Variants in CSMD1 observed in about 807,000 individuals in gnomAD.
The protein encoded by CSMD1 is CUB and Sushi multiple domains 1.
In CSMD1, 213 loss-of-function variants were observed where a neutral mutation model predicts 417.5. That is an observed-to-expected ratio of 0.51 (90% CI 0.46 to 0.57). The LOEUF (loss-of-function observed/expected upper bound fraction) is 0.57, where lower values mean the gene tolerates loss of function less well. Among genes scored for constraint, CSMD1 ranks in the 20% least tolerant of loss-of-function variants. The probability of loss-of-function intolerance (pLI) is 0.00; values close to 1 mark genes in which losing one functional copy is unlikely to be tolerated. For synonymous variants in CSMD1, 2,862 were observed against 1,736.8 expected, an observed-to-expected ratio of 1.65 and a Z score of -16.11; for missense variants, 6,923 against 4,529.7, an observed-to-expected ratio of 1.53 and a Z score of -15.17.
chr8:3,449,119 GCAAAGCAC>G, intron 12 of CSMD1, among the ~76,000 whole-genome samples: 1 of 152,184 alleles, frequency 6.6e-6, no homozygotes, highest in East Asian at 1.9e-4. Flanking sequence ...AAAGCAACAT[GCAAAGCAC>G]TTGTAATACA....
intron 3 of CSMD1, among the ~76,000 whole-genome samples, chr8:4,308,536 G>C (rs1158550411): frequency 1.3e-5 from 2 of 152,226 alleles, no homozygotes; most frequent in Non-Finnish European, 2.9e-5. Context: ...GTGTTTAGCA[G>C]AGTTGGACGT....
At chr8:4,471,593 G>A (rs1277143516) in intron 2 of CSMD1, among the ~76,000 whole-genome samples, 1 of 151,984 alleles carries the variant, frequency 6.6e-6, no homozygotes, top group African/African-American at 2.4e-5. Flanking sequence ...AGAGGTGCAG[G>A]GAGAAAACAA....
intron 5 of CSMD1, among the ~76,000 whole-genome samples, chr8:3,764,739 C>CTTTTTTTTTTT (rs66603480): frequency 7.7e-5 from 10 of 129,788 alleles, no homozygotes; most frequent in African/African-American, 8.6e-5. Context: ...TTTTCTCTTT[C>CTTTTTTTTTTT]TTTTTTTTTT....
At chr8:4,373,944 A>G (rs1802555374) in intron 3 of CSMD1, among the ~76,000 whole-genome samples, 1 of 152,244 alleles carries the variant, frequency 6.6e-6, no homozygotes, top group African/African-American at 2.4e-5. Flanking sequence ...AGAAGACTTT[A>G]GTGTCTCTAC....
At chr8:4,519,339 A>T (rs13282276) in intron 2 of CSMD1, among the ~76,000 whole-genome samples, 38,526 of 152,068 alleles carry the variant, frequency 0.25, 5,966 homozygotes, top group East Asian at 0.43. Flanking sequence ...TGGTTCAATG[A>T]TAAAAATGAT....
At chr8:3,723,094 T>C (rs1052187672) in intron 6 of CSMD1, among the ~76,000 whole-genome samples, 1 of 152,196 alleles carries the variant, frequency 6.6e-6, no homozygotes, top group African/African-American at 2.4e-5. Context: ...GAATCCTTTT[T>C]GACATTCAGT....
chr8:3,281,698 A>G (rs1348106732), intron 26 of CSMD1, among the ~76,000 whole-genome samples: 1 of 152,202 alleles, frequency 6.6e-6, no homozygotes, highest in African/African-American at 2.4e-5. Flanking sequence ...AACAGGCAGA[A>G]CACAGGGAAT....
At chr8:3,448,089 A>C (rs967793911) in intron 12 of CSMD1, among the ~76,000 whole-genome samples, 1 of 151,680 alleles carries the variant, frequency 6.6e-6, no homozygotes, top group Non-Finnish European at 1.5e-5. Flanking sequence ...TAATCCTAAA[A>C]ATAAGATAGA....
At chr8:4,716,288 C>T (rs1309233055) in intron 1 of CSMD1, among the ~76,000 whole-genome samples, 1 of 152,174 alleles carries the variant, frequency 6.6e-6, no homozygotes, top group Non-Finnish European at 1.5e-5. Flanking sequence ...TCCCTCAACA[C>T]CCAGAAAGGG....
chr8:4,811,203 T>C (rs1415216312), intron 1 of CSMD1, among the ~76,000 whole-genome samples: 1 of 152,136 alleles, frequency 6.6e-6, no homozygotes. Context: ...TTCTGGAAAA[T>C]GGTGAATCAC....
chr8:3,894,526 T>C (rs1807220785), intron 5 of CSMD1, among the ~76,000 whole-genome samples: 2 of 152,106 alleles, frequency 1.3e-5, no homozygotes, highest in Admixed American at 1.3e-4. Context: ...AAAAAAATAA[T>C]CCTATGATAG....
chr8:3,718,592 T>A (rs1326180249), intron 6 of CSMD1, among the ~76,000 whole-genome samples: 4 of 152,178 alleles, frequency 2.6e-5, no homozygotes, highest in African/African-American at 7.2e-5. Flanking sequence ...AAAAGATAAA[T>A]GTCTCATATA....
In CSMD1 at chr8:3,721,864, T is replaced by A. The variant is rs554583091; in HGVS notation, c.932-13373A>T. 3.3e-5 allele frequency among the ~76,000 whole-genome samples: 5 copies of A among 152,170 alleles called. No individual in the cohort carries two copies. The South Asian group carries it at 1.0e-3, about 32-fold the overall frequency. On this transcript the variant is annotated intron_variant, in intron 6 of 69. Coordinates refer to ENST00000635120, the MANE Select transcript of CSMD1 (RefSeq NM_033225.6). ...TCTGAGAGGCGCTGTATGAAGAAAA[T>A]AGCAGAGAATGAAGTGCCCGTTAAG...
intron 3 of CSMD1, among the ~76,000 whole-genome samples, chr8:4,402,800 C>CTTTTTTTTTTTTTTT (rs60965667): frequency 1.0e-4 from 9 of 89,366 alleles, no homozygotes; most frequent in Non-Finnish European, 1.6e-4. Flanking sequence ...TCACTTTTTT[C>CTTTTTTTTTTTTTTT]TTTTTTTTTT....
At chr8:3,894,480 T>A (rs948752590) in intron 5 of CSMD1, among the ~76,000 whole-genome samples, 2 of 152,160 alleles carry the variant, frequency 1.3e-5, no homozygotes, top group African/African-American at 4.8e-5. Context: ...ACCTCAAATA[T>A]AGAACTACAA....
intron 10 of CSMD1, among the ~76,000 whole-genome samples, chr8:3,507,145 G>A (rs1412264267): frequency 2.0e-5 from 3 of 152,100 alleles, no homozygotes; most frequent in Admixed American, 1.3e-4. Context: ...TTTACATAGT[G>A]GAAAAGTGGT....
chr8:4,794,647 G>C (rs1283818079), intron 1 of CSMD1, among the ~76,000 whole-genome samples: 1 of 152,086 alleles, frequency 6.6e-6, no homozygotes, highest in South Asian at 2.1e-4. Flanking sequence ...CCTCCCCATT[G>C]TCCCCATACC....
At chr8:3,188,651 T>TA (rs1381031445) in intron 35 of CSMD1, among the ~76,000 whole-genome samples, 7 of 151,810 alleles carry the variant, frequency 4.6e-5, no homozygotes, top group Non-Finnish European at 7.4e-5. Context: ...GTTTTTATTT[T>TA]AAAAAATTGA....
intron 7 of CSMD1, among the ~76,000 whole-genome samples, chr8:3,627,640 T>A (rs545001247): frequency 6.6e-6 from 1 of 152,324 alleles, no homozygotes; most frequent in East Asian, 1.9e-4. Flanking sequence ...AACTATGAGA[T>A]AATAATAAAA....
Sources: allele counts gnomAD v4.1 joint callset (sites outside exome capture counted in the v4.1 genomes callset), GRCh38; gene constraint gnomAD v4.1.1; transcripts MANE v1.5; gene names NCBI Gene and HGNC (gene_info 2026-07-23, HGNC 2026-07-21).